Variants in EML1 observed in about 807,000 individuals in gnomAD.
EML1 encodes the protein echinoderm microtubule-associated protein-like 1.
A neutral mutation model predicts 110.4 loss-of-function variants in EML1; 27 were observed. That is an observed-to-expected ratio of 0.24 (90% confidence interval 0.18 to 0.34). The LOEUF is 0.34. EML1 is among the 10% of genes least tolerant of loss of function. The probability of loss-of-function intolerance (pLI) is 1.00; values close to 1 mark genes in which losing one functional copy is unlikely to be tolerated. For synonymous variants in EML1, 344 were observed against 385.8 expected, an observed-to-expected ratio of 0.89 and a Z score of 1.27; for missense variants, 741 against 1,030.9, an observed-to-expected ratio of 0.72 and a Z score of 3.85.
rs10141893 is a variant in EML1, at chr14:99,750,406, C to A, written c.28+12546C>A. ...CTGGGCCCTGCTGCTATGTCCTCACCCAGCTGGGGCCACAGTAGAAAGTCA... is the reference window on the plus strand; with the variant it reads ...CTGGGCCCTGCTGCTATGTCCTCACACAGCTGGGGCCACAGTAGAAAGTCA... On this transcript the variant is annotated intron_variant, in intron 1 of 10. Transcript: ENST00000554479. Among the ~76,000 whole-genome samples, 10 of 152,090 alleles carry A rather than the reference C, an allele frequency of 6.6e-5. No homozygotes were observed. In the South Asian group the frequency reaches 1.4e-3, roughly 22 times the overall value.
intron 1 of EML1, among the ~76,000 whole-genome samples, chr14:99,840,602 T>C (rs141677546): frequency 7.9e-5 from 12 of 152,352 alleles, no homozygotes; most frequent in African/African-American, 2.9e-4. Flanking sequence ...GGTGCTATCA[T>C]TATCTTAAAT....
At chr14:99,938,001 C>G (rs941760381) in intron 20 of EML1, 89 bp downstream of exon 20, 18 of 1,320,024 alleles carry the variant, frequency 1.4e-5, no homozygotes, top group Non-Finnish European at 1.8e-5. Context: ...TCATGGTCAC[C>G]AGTCTTGTCA....
chr14:99,744,728 A>G (rs1460301638), intron 1 of EML1, among the ~76,000 whole-genome samples: 2 of 152,246 alleles, frequency 1.3e-5, no homozygotes, highest in African/African-American at 4.8e-5. Flanking sequence ...TTTGCATTTT[A>G]AAGCACGAAA....
intron 1 of EML1, among the ~76,000 whole-genome samples, chr14:99,812,670 A>G (rs1053243273): frequency 2.0e-5 from 3 of 147,862 alleles, no homozygotes; most frequent in Non-Finnish European, 4.6e-5. Context: ...CAGGTGGGGT[A>G]GGGAGGGGAG....
chr14:99,924,168 T>C (rs539273321), intron 17 of EML1, among the ~76,000 whole-genome samples: 3 of 141,890 alleles, frequency 2.1e-5, no homozygotes, highest in African/African-American at 7.6e-5. Flanking sequence ...TTAAATTTAT[T>C]CCAAAATAAG....
chr14:99,885,261 G>A (rs185080361), intron 4 of EML1, among the ~76,000 whole-genome samples: 1 of 152,238 alleles, frequency 6.6e-6, no homozygotes, highest in Non-Finnish European at 1.5e-5. Flanking sequence ...ATCATGGAGT[G>A]TGTGTTTACA....
chr14:99,781,752 C>A lies in EML1; in HGVS notation c.-27+7739C>A, dbSNP rs1289397428. ...ATGCCTTCAGTCTGAGCTCCCTGTC[C>A]CCTCTTTGACATTAACAGAGCTGGA... is the stretch of plus-strand genomic sequence containing the variant. On this transcript the variant is annotated intron_variant, in intron 1 of 22. Transcript: ENST00000327921. The surrounding 1 kb of genome is among the most constrained non-coding windows in gnomAD (Gnocchi z 4.2). Among the ~76,000 whole-genome samples the A allele has an allele frequency of 6.6e-6, 1 of 152,146 alleles. No homozygotes were observed. The highest frequency in any genetic ancestry group is 1.5e-5 in the Non-Finnish European group (1 of 68,040).
intron 13 of EML1, among the ~76,000 whole-genome samples, chr14:99,911,924 G>T (rs2059953352): frequency 1.3e-5 from 1 of 74,158 alleles, no homozygotes. Context: ...TTAGAGCAGG[G>T]TCTGGCTCTC....
In EML1 at chr14:99,844,433, C is replaced by T. The variant is rs536232463; in HGVS notation, c.68-6420C>T. Among the ~76,000 whole-genome samples, 370 of 148,742 alleles carry T rather than the reference C, an allele frequency of 2.5e-3. 4 individuals are homozygous for T. Among genetic ancestry groups the T allele is most frequent in the African/African-American group, 8.5e-3 (341 of 40,120 alleles). The stretch of plus-strand genomic sequence containing the variant: ...GGTGGAGGTTGCAGTGAGCTGAGAT[C>T]ATACCACCGCACTCCAGCTTGGGCA... On this transcript the variant is annotated intron_variant, in intron 1 of 21. Transcript: ENST00000262233.
intron 1 of EML1, among the ~76,000 whole-genome samples, chr14:99,845,919 AGGTG>A (rs2058699849): frequency 6.6e-6 from 1 of 151,684 alleles, no homozygotes; most frequent in African/African-American, 2.4e-5. Flanking sequence ...CGTTGGTGGC[AGGTG>A]CCTGTAATCC....
chr14:99,872,409 A>G (rs2059221091), intron 3 of EML1, among the ~76,000 whole-genome samples: 1 of 152,194 alleles, frequency 6.6e-6, no homozygotes, highest in African/African-American at 2.4e-5. Flanking sequence ...TAGCACTTAA[A>G]TGGTAACCCT....
intron 1 of EML1, among the ~76,000 whole-genome samples, chr14:99,838,178 T>A (rs183743969): frequency 3.3e-4 from 50 of 152,296 alleles, no homozygotes; most frequent in African/African-American, 1.2e-3. Flanking sequence ...CTGAAACTAA[T>A]CAAATTATTA....
At chr14:99,788,700 C>T (rs2057626867), upstream of EML1, among the ~76,000 whole-genome samples, 1 of 152,140 alleles carries the variant, frequency 6.6e-6, no homozygotes, top group Admixed American at 6.5e-5. Context: ...TCTTTAAGTG[C>T]CCAGTTATAA....
At chr14:99,930,410 T>A (rs938545046) in intron 17 of EML1, among the ~76,000 whole-genome samples, 1 of 152,114 alleles carries the variant, frequency 6.6e-6, no homozygotes, top group Non-Finnish European at 1.5e-5. Flanking sequence ...CAGGAGTGCA[T>A]GTGGATCACC....
intron 4 of EML1, among the ~76,000 whole-genome samples, chr14:99,882,888 G>A (rs1210963608): frequency 2.6e-5 from 4 of 151,782 alleles, no homozygotes; most frequent in Non-Finnish European, 2.9e-5. Context: ...GCCCTTTTGT[G>A]TTGTGCCCCC....
chr14:99,924,206 ATTG>A (rs2060193047), intron 17 of EML1, among the ~76,000 whole-genome samples: 1 of 152,188 alleles, frequency 6.6e-6, no homozygotes, highest in African/African-American at 2.4e-5. Context: ...TGTGAATGGA[ATTG>A]TTTTCTGAAT....
intron 2 of EML1, among the ~76,000 whole-genome samples, chr14:99,851,546 A>T (rs61986016): frequency 0.35 from 52,550 of 151,820 alleles, 9,670 homozygotes; most frequent in South Asian, 0.5. Flanking sequence ...TGACCTCGTG[A>T]TCCGCCCGCC....
chr14:99,835,502 T>C (rs1369466252), intron 1 of EML1, among the ~76,000 whole-genome samples: 1 of 152,194 alleles, frequency 6.6e-6, no homozygotes, highest in Non-Finnish European at 1.5e-5. Context: ...TTCTGCATAC[T>C]TTGGGTTCCT....
chr14:99,896,321 A>T (rs1051586653), intron 6 of EML1, among the ~76,000 whole-genome samples: 1 of 151,978 alleles, frequency 6.6e-6, no homozygotes, highest in Non-Finnish European at 1.5e-5. Context: ...GAAATTTTTT[A>T]AAATTACCAC....
Sources: allele counts gnomAD v4.1 joint callset (sites outside exome capture counted in the v4.1 genomes callset), GRCh38; gene constraint gnomAD v4.1.1; non-coding constraint Gnocchi (gnomAD v3.1); transcripts MANE v1.5; gene names NCBI Gene and HGNC (gene_info 2026-07-23, HGNC 2026-07-21).